The following AUTS2 variants were observed in gnomAD, a reference collection of about 807,000 sequenced individuals.
The protein encoded by AUTS2 is activator of transcription and developmental regulator AUTS2, also known as autism susceptibility gene 2 protein.
Under a neutral mutation model 112.4 loss-of-function variants are expected in AUTS2, and 17 were observed. The observed-to-expected ratio is 0.15, with a 90% CI of 0.10 to 0.23. The LOEUF (loss-of-function observed/expected upper bound fraction) is 0.23, where lower values mean the gene tolerates loss of function less well. Among genes scored for constraint, AUTS2 ranks in the 10% least tolerant of loss-of-function variants. The pLI is 1.00. For missense variants in AUTS2, 1,510 were observed against 1,701.6 expected (o/e 0.89, Z 1.98); for synonymous variants, 751 against 702.7 (o/e 1.07, Z -1.09).
intron 4 of AUTS2, among the ~76,000 whole-genome samples, chr7:70,379,972 G>C (rs1793294246): frequency 6.6e-6 from 1 of 152,190 alleles, no homozygotes; most frequent in Middle Eastern, 3.2e-3. Context: ...TCATGGTCAG[G>C]AAGACAACAA....
chr7:70,624,428 A>G (rs1804832748), intron 5 of AUTS2, among the ~76,000 whole-genome samples: 1 of 152,202 alleles, frequency 6.6e-6, no homozygotes, highest in South Asian at 2.1e-4. Flanking sequence ...TAGTTTTAAT[A>G]ACCTTATTGT....
intron 1 of AUTS2, among the ~76,000 whole-genome samples, chr7:69,806,024 T>C (rs1280646195): frequency 6.6e-6 from 1 of 151,824 alleles, no homozygotes; most frequent in Non-Finnish European, 1.5e-5. Context: ...CTCAGCCTCC[T>C]GAGTAGCTGG....
intron 2 of AUTS2, among the ~76,000 whole-genome samples, chr7:69,982,690 A>G (rs1798346358): frequency 6.6e-6 from 1 of 152,340 alleles, no homozygotes. Context: ...CATTGGTCCT[A>G]CATGTGATAA....
At chr7:69,863,230 T>C (rs189668928) in intron 1 of AUTS2, among the ~76,000 whole-genome samples, 3 of 152,368 alleles carry the variant, frequency 2.0e-5, no homozygotes, top group Non-Finnish European at 4.4e-5. Flanking sequence ...ACTGAACATG[T>C]ACAGACTTTT....
chr7:70,565,380 G>A (rs1801665565), intron 5 of AUTS2, among the ~76,000 whole-genome samples: 1 of 152,110 alleles, frequency 6.6e-6, no homozygotes, highest in Non-Finnish European at 1.5e-5. Context: ...TTAAAAAAAG[G>A]AATAGAAGGT....
intron 6 of AUTS2, among the ~76,000 whole-genome samples, chr7:70,703,942 A>G (rs1365778938): frequency 1.3e-5 from 2 of 152,220 alleles, no homozygotes; most frequent in African/African-American, 4.8e-5. Context: ...TGAGTAGTTC[A>G]GTCCCTCCTC....
chr7:70,340,195 C>T (rs138050100), intron 4 of AUTS2, among the ~76,000 whole-genome samples: 26 of 150,598 alleles, frequency 1.7e-4, no homozygotes, highest in African/African-American at 6.2e-4. Context: ...CACACACACA[C>T]CCCGTAATAA....
At chr7:70,787,701 C>G (rs1410558159) in intron 18 of AUTS2, among the ~76,000 whole-genome samples, 1 of 152,184 alleles carries the variant, frequency 6.6e-6, no homozygotes, top group East Asian at 1.9e-4. Flanking sequence ...TTAGCGTGTC[C>G]AAACAGAAGT....
At chr7:70,228,175 A>G (rs1811865862) in intron 4 of AUTS2, among the ~76,000 whole-genome samples, 1 of 151,672 alleles carries the variant, frequency 6.6e-6, no homozygotes, top group Admixed American at 6.6e-5. Context: ...CTTTGTCTCT[A>G]GTAACAGTTT....
chr7:69,935,751 G>A (rs1447191273), intron 2 of AUTS2, among the ~76,000 whole-genome samples: 1 of 152,166 alleles, frequency 6.6e-6, no homozygotes, highest in East Asian at 1.9e-4. Flanking sequence ...ATTTCAGTGT[G>A]AAGTTTGTAC....
intron 1 of AUTS2, among the ~76,000 whole-genome samples, chr7:69,816,353 T>G (rs1002906487): frequency 2.0e-5 from 3 of 152,238 alleles, no homozygotes; most frequent in African/African-American, 7.2e-5. Context: ...TACTTTCTTT[T>G]ATGTGTTAAA....
At position 69,723,240 on chromosome 7, in the gene AUTS2, A is replaced by G. The variant is rs150770031; in HGVS notation, c.309+123278A>G. ...TGGTCTTGTGTATATATAGAGTGTTATATAGGCCATGTGATTCTCGGAGAC... is the reference window on the plus strand; with the variant it reads ...TGGTCTTGTGTATATATAGAGTGTTGTATAGGCCATGTGATTCTCGGAGAC... On this transcript the variant is annotated intron_variant, in intron 1 of 18. Transcript: ENST00000342771. Among the ~76,000 whole-genome samples, 28 of 152,216 alleles carry G rather than the reference A, an allele frequency of 1.8e-4. No individual in the cohort carries two copies. The East Asian group carries it at 5.0e-3, about 27-fold the overall frequency.
chr7:70,082,189 A>G (rs1584691927), intron 2 of AUTS2, among the ~76,000 whole-genome samples: 1 of 152,204 alleles, frequency 6.6e-6, no homozygotes, highest in East Asian at 1.9e-4. Context: ...ATGGAAATAA[A>G]ATGACTTTTC....
intron 4 of AUTS2, among the ~76,000 whole-genome samples, chr7:70,345,948 A>G (rs755666145): frequency 2.0e-5 from 3 of 152,152 alleles, no homozygotes; most frequent in Admixed American, 6.5e-5. Context: ...CTGTGGTTTT[A>G]TAATCTATGT....
At chr7:70,267,304 A>G (rs1266627383) in intron 4 of AUTS2, among the ~76,000 whole-genome samples, 1 of 151,874 alleles carries the variant, frequency 6.6e-6, no homozygotes, top group African/African-American at 2.4e-5. Context: ...TGAAGTATCA[A>G]ATTATGTATT....
At chr7:70,389,403 G>C (rs556199121) in intron 4 of AUTS2, among the ~76,000 whole-genome samples, 1 of 152,148 alleles carries the variant, frequency 6.6e-6, no homozygotes, top group Non-Finnish European at 1.5e-5. Flanking sequence ...CATGTAGCCG[G>C]CCCAATCTGG....
intron 4 of AUTS2, among the ~76,000 whole-genome samples, chr7:70,360,623 A>C (rs747888147): frequency 1.3e-5 from 2 of 152,164 alleles, no homozygotes; most frequent in Non-Finnish European, 2.9e-5. Flanking sequence ...CAGCGGGACT[A>C]ATTTTACATA....
intron 5 of AUTS2, among the ~76,000 whole-genome samples, chr7:70,626,937 CTG>C (rs1400557329): frequency 6.6e-6 from 1 of 152,174 alleles, no homozygotes; most frequent in East Asian, 1.9e-4. Flanking sequence ...TAGGTTGATT[CTG>C]TGTCTTCACT....
chr7:70,445,749 A>G (rs1796294168), intron 5 of AUTS2, among the ~76,000 whole-genome samples: 1 of 152,230 alleles, frequency 6.6e-6, no homozygotes, highest in African/African-American at 2.4e-5. Context: ...AAGTGTCTGT[A>G]TATGTGTAAA....
Sources: gnomAD v4.1 joint callset for allele counts (sites outside exome capture counted in the v4.1 genomes callset) on GRCh38, gnomAD v4.1.1 for gene constraint, MANE v1.5 for transcripts, NCBI Gene and HGNC (gene_info 2026-07-23, HGNC 2026-07-21) for gene names.